PHYHD1: variants seen among roughly 807,000 people sequenced by gnomAD.
The protein encoded by PHYHD1 is phytanoyl-CoA dioxygenase domain-containing protein 1.
Under a neutral mutation model 43.6 loss-of-function variants are expected in PHYHD1, and 42 were observed. The observed-to-expected ratio is 0.96, with a 90% confidence interval of 0.75 to 1.25. The LOEUF (loss-of-function observed/expected upper bound fraction) is 1.25. Among genes scored for constraint, PHYHD1 ranks in the 50% most tolerant of loss-of-function variants. The pLI, the probability that PHYHD1 is intolerant of heterozygous loss-of-function variation, is 0.00. For missense variants in PHYHD1, 342 were observed against 370.8 expected, an observed-to-expected ratio of 0.92 and a Z score of 0.64; for synonymous variants, 139 against 143.6, an observed-to-expected ratio of 0.97 and a Z score of 0.23.
At chr9:128,936,167 A>G (rs1009404514) in intron 6 of PHYHD1, among the ~76,000 whole-genome samples, 5 of 151,962 alleles carry the variant, frequency 3.3e-5, no homozygotes, top group African/African-American at 1.2e-4. Context: ...ATTGCTCCGC[A>G]TGATTGGTGC....
Position 128,941,668 on chromosome 9 carries a change from G to C in PHYHD1, c.831G>C (p.Trp277Cys), listed in dbSNP as rs547056118. The C allele has an allele frequency of 2.5e-6, 4 of 1,614,152 alleles. No homozygotes were observed. The highest frequency in any genetic ancestry group is 1.6e-4 in the Middle Eastern group (1 of 6,062). Residue 277 changes from tryptophan to cysteine, a missense_variant and splice_region_variant, in exon 13 of 13, where the codon TGG (tryptophan) becomes TGC (cysteine). By Grantham distance (215) the Trp-to-Cys change is radical. Coordinates refer to ENST00000372592, the MANE Select transcript of PHYHD1 (RefSeq NM_001100876.2). ...ASGTTWSPEN[W>C]LQPTAELPFP... is the part of the protein sequence containing the mutation. ...GTTGTTTCTCCTCTATCCTCTGCAG[G>C]CTCCAGCCAACAGCTGAACTGCCCT...
intron 3 of PHYHD1, among the ~76,000 whole-genome samples, chr9:128,923,414 C>T (rs960662187): frequency 2.0e-5 from 3 of 152,198 alleles, no homozygotes; most frequent in South Asian, 2.1e-4. Flanking sequence ...CTGCTATCCC[C>T]GTTTGGTAGC....
chr9:128,932,166 A>ATTATTTT (rs1564540372), intron 4 of PHYHD1, among the ~76,000 whole-genome samples: 28 of 122,688 alleles, frequency 2.3e-4, no homozygotes, highest in African/African-American at 6.3e-4. Context: ...TATTATTATT[A>ATTATTTT]TTGTTATTAT....
At chr9:128,922,184 T>C in intron 2 of PHYHD1, 99 bp from the exon 3 acceptor site, 2 of 923,910 alleles carry the variant, frequency 2.2e-6, no homozygotes, top group Non-Finnish European at 3.3e-6. Context: ...CTGATCTGGC[T>C]GTGTCTAGGG....
chr9:128,938,377 C>T (rs1454922387), intron 9 of PHYHD1, among the ~76,000 whole-genome samples: 1 of 152,214 alleles, frequency 6.6e-6, no homozygotes, highest in East Asian at 1.9e-4. Flanking sequence ...GGCCCTAGTC[C>T]CTGAGATCTT....
chr9:128,922,561 T>G (rs937261174), intron 3 of PHYHD1, among the ~76,000 whole-genome samples: 4 of 151,574 alleles, frequency 2.6e-5, no homozygotes, highest in African/African-American at 9.7e-5. Context: ...CAGGGTAGGG[T>G]GGGGTGGGGA....
At position 128,941,804 on chromosome 9, in the gene PHYHD1, G is replaced by A. The variant is rs143247787; in HGVS notation, c.*91G>A. On this transcript the variant is annotated 3_prime_UTR_variant, in exon 13 of 13. Transcript: ENST00000372592. ...CTTGCTCAGCCTCCTGGTTGCAACA[G>A]GGAGGTCTTGTCTCCCCTCCTGGGC... 879 of 1,567,778 alleles carry A rather than the reference G, an allele frequency of 5.6e-4. No individual in the cohort carries two copies. The highest frequency in any genetic ancestry group is 6.9e-4 in the Non-Finnish European group (782 of 1,141,582).
chr9:128,922,248 C>T, intron 2 of PHYHD1, 35 bp from the exon 3 acceptor site: 1 of 1,532,774 alleles, frequency 6.5e-7, no homozygotes, highest in East Asian at 2.5e-5. Context: ...AGGGTTAAGT[C>T]CTCCCAGGCT....
intron 4 of PHYHD1, among the ~76,000 whole-genome samples, chr9:128,930,924 G>T (rs1346647082): frequency 1.3e-5 from 2 of 150,092 alleles, no homozygotes; most frequent in African/African-American, 4.9e-5. Flanking sequence ...ACTCCAGCCT[G>T]GGCGACAGAG....
Position 128,941,747 on chromosome 9 carries a change from C to T in PHYHD1, c.*34C>T, listed in dbSNP as rs141466531. 57 of 1,613,902 alleles carry T rather than the reference C, an allele frequency of 3.5e-5. 1 individual carries two copies. In the East Asian group the frequency reaches 6.7e-4, roughly 19 times the overall value. On this transcript the variant is annotated 3_prime_UTR_variant, in exon 13 of 13. Coordinates refer to ENST00000372592, the MANE Select transcript of PHYHD1 (RefSeq NM_001100876.2). Reference sequence around the variant, plus strand: ...GCAGGGCAGGAGCCCTCGCCCCTCCCGGGTGAAGCTGTGGGCTGTAAACAC... The same window carrying T: ...GCAGGGCAGGAGCCCTCGCCCCTCCTGGGTGAAGCTGTGGGCTGTAAACAC...
rs1387553781 is a variant in PHYHD1, at chr9:128,940,636, C to G, written c.624C>G (p.Gly208=). 34 of 1,614,192 alleles carry G rather than the reference C, an allele frequency of 2.1e-5. No homozygotes were observed. Among genetic ancestry groups the G allele is most frequent in the Non-Finnish European group, 2.8e-5 (33 of 1,180,034 alleles). The change falls in exon 11 of 13, where the codon GGC becomes GGG. Residue 208 remains glycine (G), a synonymous_variant. Coordinates refer to ENST00000372592, the MANE Select transcript of PHYHD1 (RefSeq NM_001100876.2). The part of the protein sequence containing the change: ...VSRRMVRAPV[G]SAPGTSFLGS... The stretch of plus-strand genomic sequence containing the variant: ...GAAGGATGGTCCGGGCCCCTGTTGG[C>G]TCAGCGCCTGGTACCAGCTTCCTTG...
At chr9:128,927,759 C>T (rs942345441) in intron 4 of PHYHD1, among the ~76,000 whole-genome samples, 5 of 152,246 alleles carry the variant, frequency 3.3e-5, no homozygotes, top group Non-Finnish European at 7.3e-5. Flanking sequence ...CAACCCAGAT[C>T]TGTCTGATAC....
At chr9:128,931,305 T>C (rs1393344705) in intron 4 of PHYHD1, among the ~76,000 whole-genome samples, 2 of 152,012 alleles carry the variant, frequency 1.3e-5, no homozygotes, top group Non-Finnish European at 2.9e-5. Context: ...AGAGACGTGG[T>C]TTCACCATGT....
At position 128,922,363 on chromosome 9, in the gene PHYHD1, G is replaced by A; in HGVS notation, c.33+7G>A. 6.5e-7 allele frequency: 1 copy of A among 1,549,028 alleles called. No individual in the cohort carries two copies. The highest frequency in any genetic ancestry group is 8.7e-7 in the Non-Finnish European group (1 of 1,146,620). On this transcript the variant is annotated splice_region_variant and intron_variant, in intron 3 of 12. Transcript: ENST00000372592. ...CCCCTCGCAGCTCCAGAAGGTAGGA[G>A]CCTGCAAGTCGGGGCCGGGAGGGTC...
intron 4 of PHYHD1, among the ~76,000 whole-genome samples, chr9:128,933,053 A>G (rs889764943): frequency 2.8e-4 from 40 of 142,140 alleles, no homozygotes; most frequent in Admixed American, 5.1e-4. Context: ...GGATTTCACC[A>G]TGTTAGCCAG....
Position 128,941,555 on chromosome 9 carries a change from T to C in PHYHD1, c.814T>C (p.Trp272Arg), listed in dbSNP as rs1002570945. The C allele has an allele frequency of 3.1e-6, 5 of 1,614,158 alleles. No homozygotes were observed. The highest frequency in any genetic ancestry group is 4.2e-6 in the Non-Finnish European group (5 of 1,180,030). The change falls in exon 12 of 13, where the codon TGG (tryptophan) becomes CGG (arginine). Residue 272 changes from tryptophan (W) to arginine (R), a missense_variant. By Grantham distance (101) the Trp-to-Arg change is moderately radical. Transcript: ENST00000372592. ...CCTCATGGAGGCCTCTGGCACCACC[T>C]GGAGCCCGGAGAACTGGTAGGTGAC... is the stretch of plus-strand genomic sequence containing the variant. ...FHLMEASGTT[W>R]SPENWLQPTA...
Position 128,941,458 on chromosome 9 carries a change from C to T in PHYHD1, c.717C>T (p.Leu239=). The T allele has an allele frequency of 6.2e-7, 1 of 1,613,660 alleles. No individual in the cohort carries two copies. The highest frequency in any genetic ancestry group is 1.1e-5 in the South Asian group (1 of 91,062). Residue 239 remains leucine (L), a synonymous_variant, in exon 12 of 13, where the codon CTC becomes CTT. Transcript: ENST00000372592. ...TGTCTCTGCCAGGGGCCCTGGTCCT[C>T]ATCCATGGAGAAGTGGTACACAAGA... ...PTPVQRGALV[L]IHGEVVHKSK...
intron 4 of PHYHD1, among the ~76,000 whole-genome samples, chr9:128,933,163 T>TC (rs1188285135): frequency 6.8e-6 from 1 of 146,556 alleles, no homozygotes; most frequent in African/African-American, 2.5e-5. Flanking sequence ...TTTTTTTTTT[T>TC]TTTTTTTTTG....
rs1840997071 is a variant in PHYHD1 at position 128,921,466 on chromosome 9, T to G, written c.-362T>G. On this transcript the variant is annotated 5_prime_UTR_variant, in exon 1 of 13. Coordinates refer to ENST00000372592, the MANE Select transcript of PHYHD1 (RefSeq NM_001100876.2). ...GGTGCCCGCCACCACGCCCGGCTAA[T>G]TTTTTGTATTTTTAGTAGAGACGGG... 6.6e-6 allele frequency: 1 copy of G among 152,146 alleles called. No homozygotes were observed. Among genetic ancestry groups the G allele is most frequent in the Non-Finnish European group, 1.5e-5 (1 of 68,068 alleles). 9.4% of individuals were successfully genotyped at this position (152,146 alleles called of 1,614,324 possible).
Sources: allele counts gnomAD v4.1 joint callset (sites outside exome capture counted in the v4.1 genomes callset), GRCh38; gene constraint gnomAD v4.1.1; transcripts MANE v1.5; gene names NCBI Gene and HGNC (gene_info 2026-07-23, HGNC 2026-07-21).